EIF3L: variants seen among roughly 807,000 people sequenced by gnomAD.
EIF3L encodes eukaryotic translation initiation factor 3 subunit L.
EIF3L carries 32 observed loss-of-function variants against 74.6 expected under a neutral mutation model. The ratio of observed to expected loss-of-function variants is 0.43; its 90% CI spans 0.32 to 0.58. The LOEUF is 0.58. Ranked by LOEUF, EIF3L falls within the 20% of genes least tolerant of loss-of-function variation. The pLI is 0.06. For synonymous variants in EIF3L, 256 were observed against 254.4 expected, an observed-to-expected ratio of 1.01 and a Z score of -0.06; for missense variants, 474 against 707.8, an observed-to-expected ratio of 0.67 and a Z score of 3.75.
chr22:37,860,969 C>G (rs1331286621), intron 5 of EIF3L, among the ~76,000 whole-genome samples: 1 of 152,158 alleles, frequency 6.6e-6, no homozygotes, highest in African/African-American at 2.4e-5. Flanking sequence ...GGGCTCCTGG[C>G]AATATTCGTG....
intron 5 of EIF3L, 36 bp from the exon 6 acceptor site, chr22:37,862,933 A>G: frequency 6.6e-7 from 1 of 1,508,240 alleles, no homozygotes; most frequent in Non-Finnish European, 9.1e-7. Context: ...TTAAAATTAA[A>G]TATCTGTATC....
intron 1 of EIF3L, 69 bp downstream of exon 1, chr22:37,849,551 C>G: frequency 6.6e-7 from 1 of 1,505,502 alleles, no homozygotes; most frequent in Non-Finnish European, 8.9e-7. Context: ...GATGTGGGTC[C>G]CGGCGCGAGG....
At chr22:37,857,029 C>G (rs146137162) in intron 4 of EIF3L, among the ~76,000 whole-genome samples, 1 of 151,420 alleles carries the variant, frequency 6.6e-6, no homozygotes, top group South Asian at 2.1e-4. Context: ...TGCCTAGAAT[C>G]TGAAGATCAC....
chr22:37,859,413 G>T (rs1483241935), intron 5 of EIF3L, among the ~76,000 whole-genome samples: 2 of 122,894 alleles, frequency 1.6e-5, no homozygotes, highest in Non-Finnish European at 3.2e-5. Context: ...AGTGAGTCTC[G>T]CTCTGTCGCC....
chr22:37,887,021 TG>T (rs1368265708), intron 12 of EIF3L, 176 bp downstream of exon 12: 1 of 460,620 alleles, frequency 2.2e-6, no homozygotes. Context: ...CTCTGCCTCC[TG>T]GGTTCAAGCG....
At chr22:37,850,180 A>G in intron 2 of EIF3L, 117 bp downstream of exon 2, 1 of 1,106,658 alleles carries the variant, frequency 9.0e-7, no homozygotes, top group Admixed American at 1.9e-5. Flanking sequence ...GTTTGGAGTC[A>G]GTCATTAGCT....
chr22:37,852,157 T>G (rs1207277581), intron 3 of EIF3L, among the ~76,000 whole-genome samples: 2 of 152,132 alleles, frequency 1.3e-5, no homozygotes, highest in African/African-American at 4.8e-5. Flanking sequence ...AATATCACTA[T>G]TAACAATTAT....
At chr22:37,873,760 A>G (rs1926603969) in intron 8 of EIF3L, among the ~76,000 whole-genome samples, 1 of 152,166 alleles carries the variant, frequency 6.6e-6, no homozygotes, top group Non-Finnish European at 1.5e-5. Context: ...AACTGATACA[A>G]CAATCTCTGG....
chr22:37,857,342 C>A (rs556830036), intron 4 of EIF3L, among the ~76,000 whole-genome samples: 16 of 136,288 alleles, frequency 1.2e-4, no homozygotes, highest in African/African-American at 4.5e-4. Context: ...TGGACTCCAG[C>A]CTGGGCGACA....
intron 7 of EIF3L, among the ~76,000 whole-genome samples, chr22:37,865,494 G>A (rs1276209817): frequency 6.6e-6 from 1 of 152,086 alleles, no homozygotes; most frequent in East Asian, 1.9e-4. Flanking sequence ...TATATAATTT[G>A]ACAAAATATA....
chr22:37,887,061 T>C (rs560248014), intron 12 of EIF3L: 15 of 371,940 alleles, frequency 4.0e-5, no homozygotes, highest in Admixed American at 7.1e-5. Context: ...CCCGCATAGC[T>C]GGAATTACAG....
intron 9 of EIF3L, 81 bp from the exon 10 acceptor site, chr22:37,875,760 G>A: frequency 7.1e-7 from 1 of 1,416,462 alleles, no homozygotes. Flanking sequence ...CCTCTGCAGG[G>A]AAAACTCTTG....
At chr22:37,849,812 C>T in intron 1 of EIF3L, 1 of 631,172 alleles carries the variant, frequency 1.6e-6, no homozygotes, top group Non-Finnish European at 2.8e-6. Flanking sequence ...GTCCTTTGCT[C>T]CACCTCATTG....
chr22:37,884,127 AT>A, intron 11 of EIF3L: 1 of 152,232 alleles, frequency 6.6e-6, no homozygotes, highest in South Asian at 2.1e-4. Flanking sequence ...GTCTCTCTGC[AT>A]TTGACATTTC....
At position 37,863,286 on chromosome 22, in the gene EIF3L, G is replaced by A. The variant is rs768219088; in HGVS notation, c.520G>A (p.Ala174Thr). Residue 174 changes from alanine (A) to threonine (T), a missense_variant, in exon 7 of 13, where the codon GCT becomes ACT. Physicochemically the swap from Ala to Thr is moderately conservative, Grantham distance 58 (BLOSUM62 0). Transcript: ENST00000652021. ...CTCCTGCACAGATGCCGATGGTCCTGCTCCCCTTGAACTACCCAACCAGTG... is the reference window on the plus strand; with the variant it reads ...CTCCTGCACAGATGCCGATGGTCCTACTCCCCTTGAACTACCCAACCAGTG... ...FNYILNADGP[A>T]PLELPNQWLW... 1.3e-5 allele frequency: 21 copies of A among 1,613,576 alleles called. No individual in the cohort carries two copies. The highest frequency in any genetic ancestry group is 1.1e-5 in the Non-Finnish European group (13 of 1,179,842).
rs995079534 is a variant in EIF3L, at chr22:37,851,633, G to A, written c.293+143G>A. 6.0e-5 allele frequency: 38 copies of A among 633,134 alleles called. 1 individual carries two copies. Among genetic ancestry groups the A allele is most frequent in the Admixed American group, 3.5e-4 (12 of 34,672 alleles). 39.2% of individuals were successfully genotyped at this position (633,134 alleles called of 1,614,324 possible). ...GTCTTTGTGAGTCCTTGAGGCTAGG[G>A]ACATTTTATTTTGTTAGACTTTATT... On this transcript the variant is annotated intron_variant, in intron 3 of 12. Coordinates refer to ENST00000652021, the MANE Select transcript of EIF3L (RefSeq NM_016091.4).
chr22:37,869,114 C>T (rs571352730), intron 7 of EIF3L, among the ~76,000 whole-genome samples: 1 of 152,136 alleles, frequency 6.6e-6, no homozygotes, highest in South Asian at 2.1e-4. Flanking sequence ...CATTTTGTCC[C>T]ACAGTCTAGA....
chr22:37,884,742 G>A (rs980958238), intron 11 of EIF3L: 4 of 152,046 alleles, frequency 2.6e-5, no homozygotes, highest in African/African-American at 9.7e-5. Context: ...GAGGCAGGAG[G>A]ATGGCTTGAG....
At chr22:37,857,089 C>T (rs973147252) in intron 4 of EIF3L, among the ~76,000 whole-genome samples, 17 of 151,056 alleles carry the variant, frequency 1.1e-4, no homozygotes, top group Non-Finnish European at 2.1e-4. Context: ...AGGCCAGGCG[C>T]GGTGGCTCAT....
Sources: allele counts gnomAD v4.1 joint callset (sites outside exome capture counted in the v4.1 genomes callset), GRCh38; gene constraint gnomAD v4.1.1; transcripts MANE v1.5; gene names NCBI Gene and HGNC (gene_info 2026-07-23, HGNC 2026-07-21).